NEDD4: variants seen among roughly 807,000 people sequenced by gnomAD.
NEDD4 encodes E3 ubiquitin-protein ligase NEDD4.
In NEDD4, 99 loss-of-function variants were observed where a neutral mutation model predicts 144.9. That is an observed-to-expected ratio of 0.68 (90% CI 0.58 to 0.81). The LOEUF (loss-of-function observed/expected upper bound fraction) is 0.81. NEDD4 is among the 30% of genes least tolerant of loss of function. The pLI is 0.00. For synonymous variants in NEDD4, 318 were observed against 350.6 expected, an observed-to-expected ratio of 0.91 and a Z score of 1.04; for missense variants, 985 against 1,065.9, an observed-to-expected ratio of 0.92 and a Z score of 1.06.
intron 12 of NEDD4, among the ~76,000 whole-genome samples, chr15:55,854,125 G>C (rs2034101070): frequency 6.6e-6 from 1 of 151,930 alleles, no homozygotes; most frequent in South Asian, 2.1e-4. Context: ...CTCCAGCCTG[G>C]ACAACAGAGC....
chr15:55,838,121 T>C lies in NEDD4; in HGVS notation c.2187A>G (p.Lys729=), dbSNP rs748130098. ...AAAATACTTACTAAATATATTCCTT[T>C]TTGTTCTTATTGGTGACAACTATTT... ...GSEIVVTNKN[K]KEYIYLVIQW... The change falls in exon 23 of 29, where the codon AAA becomes AAG. Residue 729 remains lysine (K), a synonymous_variant. Transcript: ENST00000435532. 5.7e-6 allele frequency: 9 copies of C among 1,574,726 alleles called. No homozygotes were observed. The highest frequency in any genetic ancestry group is 1.4e-5 in the African/African-American group (1 of 74,020).
chr15:55,990,518 T>C (rs559529232), intron 1 of NEDD4, among the ~76,000 whole-genome samples: 36 of 152,352 alleles, frequency 2.4e-4, no homozygotes, highest in Non-Finnish European at 4.4e-4. Flanking sequence ...AGTTACCAGA[T>C]ACTGGAATAC....
intron 12 of NEDD4, among the ~76,000 whole-genome samples, chr15:55,855,706 C>T (rs1373970061): frequency 6.6e-6 from 1 of 152,248 alleles, no homozygotes; most frequent in Non-Finnish European, 1.5e-5. Flanking sequence ...AAACTCCAGC[C>T]TGGCTGCCGG....
At chr15:55,885,893 G>A (rs1486464695) in intron 5 of NEDD4, among the ~76,000 whole-genome samples, 1 of 151,120 alleles carries the variant, frequency 6.6e-6, no homozygotes, top group Non-Finnish European at 1.5e-5. Context: ...CCAATCAAAA[G>A]ACATACAGTG....
At position 55,916,987 on chromosome 15, in the gene NEDD4, T is replaced by C. The variant is rs2142215105; in HGVS notation, c.291+7659A>G. 3.7e-6 allele frequency: 5 copies of C among 1,360,196 alleles called. No homozygotes were observed. The South Asian group carries it at 8.7e-5, about 24-fold the overall frequency. The allele number at this position is 1,360,196 out of a possible 1,614,324, so 84.3% of individuals were successfully genotyped here. On this transcript the variant is annotated intron_variant, in intron 5 of 28. Coordinates refer to ENST00000435532, the MANE Select transcript of NEDD4 (RefSeq NM_006154.4). The stretch of plus-strand genomic sequence containing the variant: ...GTAGTCTTTATCCTAAGTAAAACAT[T>C]AGATACCAGATATCATAGAAAGAAA...
At chr15:55,901,475 A>G (rs1166930099) in intron 5 of NEDD4, among the ~76,000 whole-genome samples, 1 of 152,168 alleles carries the variant, frequency 6.6e-6, no homozygotes, top group African/African-American at 2.4e-5. Flanking sequence ...CAGTGTTGAC[A>G]CTGTCCCTAA....
chr15:55,854,587 G>A (rs539260174), intron 12 of NEDD4, among the ~76,000 whole-genome samples: 7 of 152,112 alleles, frequency 4.6e-5, no homozygotes, highest in Non-Finnish European at 8.8e-5. Flanking sequence ...GCAATAGAGA[G>A]CAGATGAGCG....
intron 5 of NEDD4, among the ~76,000 whole-genome samples, chr15:55,913,090 T>C (rs376721336): frequency 2.0e-5 from 3 of 151,938 alleles, no homozygotes; most frequent in African/African-American, 7.2e-5. Flanking sequence ...AGAAAAGAAG[T>C]TGTAGACTCT....
chr15:55,856,294 G>A (rs1464494969), intron 11 of NEDD4, 98 bp from the exon 12 acceptor site: 2 of 1,029,302 alleles, frequency 1.9e-6, no homozygotes, highest in Non-Finnish European at 2.9e-6. Flanking sequence ...CAGGGCAGAA[G>A]AGAGAAGGCT....
At chr15:55,826,920 T>G (rs937136839), downstream of NEDD4, 1 of 152,216 alleles carries the variant, frequency 6.6e-6, no homozygotes, top group South Asian at 2.1e-4. Flanking sequence ...ACCACAGTTT[T>G]GTTTTGTTTT....
rs546138957 is a variant in NEDD4, at chr15:55,838,409, T to A, written c.2127+100A>T. On this transcript the variant is annotated intron_variant, in intron 22 of 28. Coordinates refer to ENST00000435532, the MANE Select transcript of NEDD4 (RefSeq NM_006154.4). The stretch of plus-strand genomic sequence containing the variant: ...ACAGCTTTTGTTACTGGGAAATGAA[T>A]GTAAAAACAGAGCCTAGGAATGTAT... The A allele has an allele frequency of 1.6e-5, 14 of 853,466 alleles. No individual in the cohort carries two copies. In the South Asian group the frequency reaches 2.0e-4, roughly 12 times the overall value. 52.9% of individuals were successfully genotyped at this position (853,466 alleles called of 1,614,324 possible). A position where few individuals can be genotyped will look rare whatever the true frequency, so the allele number is the denominator to read the frequency against.
chr15:55,840,706 T>A lies in NEDD4; in HGVS notation c.1860A>T (p.Ile620=). The A allele has an allele frequency of 6.2e-7, 1 of 1,613,878 alleles. No individual in the cohort carries two copies. Residue 620 remains isoleucine (I), a synonymous_variant, in exon 20 of 29, where the codon ATA becomes ATT. Coordinates refer to ENST00000435532, the MANE Select transcript of NEDD4 (RefSeq NM_006154.4). The part of the protein sequence containing the change: ...YSATDNYTLQ[I]NPNSGLCNED... ...CGTTACACAATCCAGAGTTTGGATT[T>A]ATCTGTAGGGTATAATTGTCCCTGT...
chr15:55,872,843 CA>C (rs2034852386), intron 6 of NEDD4, among the ~76,000 whole-genome samples: 1 of 147,486 alleles, frequency 6.8e-6, no homozygotes, highest in Non-Finnish European at 1.5e-5. Flanking sequence ...TCTAGGAGAT[CA>C]AAAAAGTCAA....
At chr15:55,941,939 T>G (rs1270200819) in intron 4 of NEDD4, among the ~76,000 whole-genome samples, 1 of 152,190 alleles carries the variant, frequency 6.6e-6, no homozygotes, top group African/African-American at 2.4e-5. Flanking sequence ...ATGTGGTCTA[T>G]CTTGGTAAAT....
At chr15:55,975,172 C>T (rs62045220) in intron 1 of NEDD4, among the ~76,000 whole-genome samples, 7,679 of 152,020 alleles carry the variant, frequency 0.051, 271 homozygotes, top group Admixed American at 0.099. Flanking sequence ...GGATTACAGG[C>T]GTGTGCCACT....
intron 4 of NEDD4, among the ~76,000 whole-genome samples, chr15:55,942,602 C>T (rs1211786768): frequency 6.6e-6 from 1 of 152,132 alleles, no homozygotes; most frequent in Admixed American, 6.6e-5. Context: ...TTCCTGAGGC[C>T]CCCTCATCCA....
intron 1 of NEDD4, among the ~76,000 whole-genome samples, chr15:55,969,957 C>T (rs2037579811): frequency 6.6e-6 from 1 of 152,088 alleles, no homozygotes; most frequent in Non-Finnish European, 1.5e-5. Flanking sequence ...CAATCAGACT[C>T]CTAAAGTCAC....
chr15:55,915,933 A>G lies in NEDD4; in HGVS notation c.291+8713T>C, dbSNP rs1253743526. ...ATGTGCAATTTCACTAGGAGAAATA[A>G]TAAACTGGTGTGAAGTTTGATAGGA... On this transcript the variant is annotated intron_variant, in intron 5 of 28. Transcript: ENST00000435532. 5.0e-6 allele frequency: 8 copies of G among 1,613,922 alleles called. No homozygotes were observed. In the African/African-American group the frequency reaches 9.3e-5, roughly 19 times the overall value.
intron 1 of NEDD4, among the ~76,000 whole-genome samples, chr15:55,967,912 G>A (rs72734363): frequency 1.3e-5 from 2 of 151,858 alleles, no homozygotes; most frequent in African/African-American, 4.8e-5. Context: ...ACTAGAGAGG[G>A]TGAGGCAGGA....
Sources: gnomAD v4.1 joint callset for allele counts (sites outside exome capture counted in the v4.1 genomes callset) on GRCh38, gnomAD v4.1.1 for gene constraint, MANE v1.5 for transcripts, NCBI Gene and HGNC (gene_info 2026-07-23, HGNC 2026-07-21) for gene names.